Variants in KIAA0753 observed in about 807,000 individuals in gnomAD.
KIAA0753 encodes KIAA0753.
A neutral mutation model predicts 116.9 loss-of-function variants in KIAA0753; 114 were observed. The ratio of observed to expected loss-of-function variants is 0.98; its 90% CI spans 0.84 to 1.14. KIAA0753 has a LOEUF of 1.14. Among genes scored for constraint, KIAA0753 ranks in the 50% most tolerant of loss-of-function variants. KIAA0753 has a pLI of 0.00. For missense variants in KIAA0753, 1,156 were observed against 1,172.4 expected (o/e 0.99, Z 0.20); for synonymous variants, 405 against 413.1 (o/e 0.98, Z 0.24).
intron 3 of KIAA0753, among the ~76,000 whole-genome samples, chr17:6,625,578 A>G (rs1280095990): frequency 6.6e-6 from 1 of 151,298 alleles, no homozygotes. Context: ...GAGGCAGGAG[A>G]ACTGCTTGAA....
In KIAA0753 at chr17:6,587,740, G is replaced by A. The variant is rs182160210; in HGVS notation, c.2786+2039C>T. Among the ~76,000 whole-genome samples the A allele has an allele frequency of 1.4e-4, 22 of 152,230 alleles. No homozygotes were observed. In the East Asian group the frequency reaches 4.0e-3, roughly 28 times the overall value. Reference sequence around the variant, plus strand: ...CATATATACCAAAGAAAAGTCTCAGGACTTCAGGGTCAACCTGAGGGCCTA... The same window carrying A: ...CATATATACCAAAGAAAAGTCTCAGAACTTCAGGGTCAACCTGAGGGCCTA... On this transcript the variant is annotated intron_variant, in intron 18 of 18. Coordinates refer to ENST00000361413, the MANE Select transcript of KIAA0753 (RefSeq NM_014804.3).
chr17:6,607,521 T>C (rs763953101), intron 10 of KIAA0753, among the ~76,000 whole-genome samples: 3 of 152,154 alleles, frequency 2.0e-5, no homozygotes, highest in Non-Finnish European at 4.4e-5. Flanking sequence ...CAGCTATCAC[T>C]CAGACTTGGG....
chr17:6,592,741 C>T (rs2150758794), intron 16 of KIAA0753, among the ~76,000 whole-genome samples: 1 of 152,214 alleles, frequency 6.6e-6, no homozygotes, highest in Admixed American at 6.5e-5. Flanking sequence ...GAATCTCTTC[C>T]CACTTAGGAG....
Position 6,620,778 on chromosome 17 carries a change from A to C in KIAA0753, c.1315+10T>G. 6.2e-7 allele frequency: 1 copy of C among 1,612,678 alleles called. No homozygotes were observed. Among genetic ancestry groups the C allele is most frequent in the African/African-American group, 1.3e-5 (1 of 75,024 alleles). On this transcript the variant is annotated intron_variant, in intron 7 of 18. Coordinates refer to ENST00000361413, the MANE Select transcript of KIAA0753 (RefSeq NM_014804.3). ...AAAATGTCTTACAATAAACACTTTA[A>C]GACACATACCGGCAAGAAGCTGCTT... is the stretch of plus-strand genomic sequence containing the variant.
At chr17:6,625,160 G>A (rs554372266) in intron 3 of KIAA0753, among the ~76,000 whole-genome samples, 107 of 152,228 alleles carry the variant, frequency 7.0e-4, no homozygotes, top group African/African-American at 2.4e-3. Context: ...TACTATTTTA[G>A]AATTCCTTAT....
At chr17:6,602,490 T>C (rs1417037339) in intron 12 of KIAA0753, among the ~76,000 whole-genome samples, 3 of 152,238 alleles carry the variant, frequency 2.0e-5, no homozygotes, top group African/African-American at 7.2e-5. Flanking sequence ...GTAAACATTT[T>C]CTTGAGCAAA....
chr17:6,623,803 T>C (rs982809768), intron 4 of KIAA0753: 3 of 413,650 alleles, frequency 7.3e-6, no homozygotes, highest in Non-Finnish European at 8.2e-6. Flanking sequence ...CCCAGTGTAA[T>C]AGGAATTTAG....
At chr17:6,608,771 C>G (rs1283236128) in intron 9 of KIAA0753, among the ~76,000 whole-genome samples, 2 of 152,162 alleles carry the variant, frequency 1.3e-5, no homozygotes, top group Non-Finnish European at 1.5e-5. Flanking sequence ...ATTTGGATCA[C>G]TAATTACATT....
intron 2 of KIAA0753, among the ~76,000 whole-genome samples, chr17:6,633,484 G>A (rs1365833421): frequency 6.6e-6 from 1 of 152,090 alleles, no homozygotes; most frequent in Non-Finnish European, 1.5e-5. Flanking sequence ...CCAATGGTTT[G>A]TTATAAAACT....
intron 18 of KIAA0753, among the ~76,000 whole-genome samples, chr17:6,588,584 G>A (rs895492380): frequency 3.9e-5 from 6 of 152,050 alleles, no homozygotes; most frequent in Admixed American, 2.0e-4. Context: ...TGGCTACTGC[G>A]TACGTAAAGT....
intron 7 of KIAA0753, among the ~76,000 whole-genome samples, chr17:6,616,062 A>C (rs1970908467): frequency 6.6e-6 from 1 of 152,170 alleles, no homozygotes. Context: ...GTGATACCTA[A>C]AACAGAAACA....
intron 7 of KIAA0753, among the ~76,000 whole-genome samples, chr17:6,614,913 C>T (rs1028788281): frequency 1.3e-5 from 2 of 152,170 alleles, no homozygotes; most frequent in African/African-American, 4.8e-5. Flanking sequence ...ATTCTCCTGC[C>T]TCAGCCTCCT....
chr17:6,602,257 T>C (rs1324464511), intron 12 of KIAA0753, among the ~76,000 whole-genome samples: 3 of 152,228 alleles, frequency 2.0e-5, no homozygotes, highest in Admixed American at 1.3e-4. Flanking sequence ...CCAGAAATTA[T>C]ACTCCTAGGC....
At position 6,609,562 on chromosome 17, in the gene KIAA0753, T is replaced by C. The variant is rs984947388; in HGVS notation, c.1712+432A>G. ...TTTATAGTTCATAATTATCTTGACT[T>C]AGAGTTAGAATTATTTTAAAATATT... On this transcript the variant is annotated intron_variant, in intron 9 of 18. Coordinates refer to ENST00000361413, the MANE Select transcript of KIAA0753 (RefSeq NM_014804.3). 4.6e-5 allele frequency among the ~76,000 whole-genome samples: 7 copies of C among 152,366 alleles called. No individual in the cohort carries two copies. The South Asian group carries it at 1.2e-3, about 27-fold the overall frequency.
intron 6 of KIAA0753, among the ~76,000 whole-genome samples, chr17:6,621,809 C>T (rs1490755935): frequency 6.6e-6 from 1 of 151,868 alleles, no homozygotes; most frequent in East Asian, 1.9e-4. Context: ...ATTATTTTGG[C>T]CAATAAATGT....
intron 13 of KIAA0753, 109 bp from the exon 14 acceptor site, chr17:6,599,429 A>G (rs1401406877): frequency 2.7e-6 from 2 of 743,614 alleles, no homozygotes; most frequent in Non-Finnish European, 4.5e-6. Flanking sequence ...CATCAGCTTT[A>G]GCTACATTAG....
At chr17:6,629,257 T>C (rs1310109671) in intron 2 of KIAA0753, among the ~76,000 whole-genome samples, 1 of 152,226 alleles carries the variant, frequency 6.6e-6, no homozygotes, top group Non-Finnish European at 1.5e-5. Context: ...CGCTTATGCT[T>C]TCTTACACAG....
At chr17:6,625,275 A>C (rs1347080146) in intron 3 of KIAA0753, among the ~76,000 whole-genome samples, 1 of 152,242 alleles carries the variant, frequency 6.6e-6, no homozygotes, top group Non-Finnish European at 1.5e-5. Flanking sequence ...GGTATTAATA[A>C]ATGCCTATTG....
intron 2 of KIAA0753, among the ~76,000 whole-genome samples, chr17:6,632,164 A>C (rs1358649815): frequency 6.6e-6 from 1 of 152,130 alleles, no homozygotes; most frequent in African/African-American, 2.4e-5. Flanking sequence ...GGCCTCCCAA[A>C]GTGCTGGGAT....
Sources: gnomAD v4.1 joint callset for allele counts (sites outside exome capture counted in the v4.1 genomes callset) on GRCh38, gnomAD v4.1.1 for gene constraint, MANE v1.5 for transcripts, NCBI Gene and HGNC (gene_info 2026-07-23, HGNC 2026-07-21) for gene names.